Variants in PDE4D observed in about 807,000 individuals in gnomAD.
The protein encoded by PDE4D is 3',5'-cyclic-AMP phosphodiesterase 4D.
A neutral mutation model predicts 87.4 loss-of-function variants in PDE4D; 24 were observed. The ratio of observed to expected loss-of-function variants is 0.27; its 90% CI spans 0.20 to 0.39. The LOEUF (loss-of-function observed/expected upper bound fraction) is 0.39. Among genes scored for constraint, PDE4D ranks in the 10% least tolerant of loss-of-function variants. The probability of loss-of-function intolerance (pLI) is 1.00; values close to 1 mark genes in which losing one functional copy is unlikely to be tolerated. For missense variants in PDE4D, 714 were observed against 1,041.0 expected (o/e 0.69, Z 4.32); for synonymous variants, 384 against 383.2 (o/e 1.00, Z -0.02).
intron 1 of PDE4D, among the ~76,000 whole-genome samples, chr5:59,397,002 G>C (rs1268055146): frequency 8.0e-6 from 1 of 124,360 alleles, no homozygotes; most frequent in Non-Finnish European, 1.7e-5. Flanking sequence ...TTACATAATG[G>C]TAAAGGGATC....
chr5:60,155,680 A>G lies in PDE4D; in HGVS notation c.42+29877T>C, dbSNP rs1234023413. On this transcript the variant is annotated intron_variant, in intron 2 of 16. Transcript: ENST00000502484. ...ATAAACCTTGACTTAATAAATAAAT[A>G]AATTATACGATGCTAGTTTATAACT... is the stretch of plus-strand genomic sequence containing the variant. 3.9e-5 allele frequency among the ~76,000 whole-genome samples: 6 copies of G among 152,352 alleles called. 1 individual carries two copies. The highest frequency in any genetic ancestry group is 3.4e-3 in the Middle Eastern group (1 of 294).
chr5:60,029,223 A>C (rs145303236), intron 2 of PDE4D, among the ~76,000 whole-genome samples: 1 of 152,314 alleles, frequency 6.6e-6, no homozygotes, highest in African/African-American at 2.4e-5. Flanking sequence ...TGAAAGGAAA[A>C]TAAATCTTGG....
intron 1 of PDE4D, among the ~76,000 whole-genome samples, chr5:60,333,121 T>C (rs181778405): frequency 1.6e-3 from 249 of 152,294 alleles, no homozygotes; most frequent in African/African-American, 5.7e-3. Context: ...GATAACTAGA[T>C]CCACTTAACT....
chr5:60,234,042 C>T (rs1371166402), intron 1 of PDE4D, among the ~76,000 whole-genome samples: 1 of 151,776 alleles, frequency 6.6e-6, no homozygotes, highest in African/African-American at 2.4e-5. Flanking sequence ...CAAAGTTATG[C>T]AACCATCAAC....
intron 3 of PDE4D, among the ~76,000 whole-genome samples, chr5:59,928,088 T>C (rs1164768463): frequency 1.3e-5 from 2 of 152,144 alleles, no homozygotes; most frequent in East Asian, 1.9e-4. Flanking sequence ...ACAGCAAGTA[T>C]TGTGTTTGGC....
upstream of PDE4D, among the ~76,000 whole-genome samples, chr5:59,897,533 T>C (rs1301076175): frequency 1.3e-5 from 2 of 152,076 alleles, no homozygotes; most frequent in Non-Finnish European, 2.9e-5. Flanking sequence ...ACATGTACCA[T>C]GTTGGTTTGC....
At chr5:59,518,814 C>A (rs910261430) in intron 1 of PDE4D, among the ~76,000 whole-genome samples, 1 of 152,014 alleles carries the variant, frequency 6.6e-6, no homozygotes, top group Non-Finnish European at 1.5e-5. Context: ...TTTTTAAAAA[C>A]TGAAATAAAA....
chr5:59,340,255 T>A (rs185556757), intron 1 of PDE4D, among the ~76,000 whole-genome samples: 1 of 152,202 alleles, frequency 6.6e-6, no homozygotes, highest in Non-Finnish European at 1.5e-5. Context: ...TTTTGCGTAG[T>A]GTCTACTGTC....
chr5:59,995,172 G>A (rs745809817), intron 2 of PDE4D, among the ~76,000 whole-genome samples: 10 of 152,002 alleles, frequency 6.6e-5, no homozygotes, highest in Non-Finnish European at 1.0e-4. Flanking sequence ...CCATAAATTG[G>A]ACATTTATTT....
At chr5:59,598,415 C>T (rs1289748721) in intron 1 of PDE4D, among the ~76,000 whole-genome samples, 2 of 152,136 alleles carry the variant, frequency 1.3e-5, no homozygotes, top group Non-Finnish European at 2.9e-5. Flanking sequence ...TTGTCAGAAT[C>T]CTCAGCACGT....
At chr5:60,317,783 T>C (rs928016240) in intron 1 of PDE4D, among the ~76,000 whole-genome samples, 1 of 152,246 alleles carries the variant, frequency 6.6e-6, no homozygotes, top group African/African-American at 2.4e-5. Context: ...TCAGTTTCCA[T>C]GTAGTTGTGC....
chr5:59,036,311 CTG>C (rs1402665101), intron 6 of PDE4D, among the ~76,000 whole-genome samples: 3 of 152,102 alleles, frequency 2.0e-5, no homozygotes, highest in Non-Finnish European at 1.5e-5. Context: ...ACACAGAAAA[CTG>C]TCATAATTTT....
chr5:60,041,346 A>G (rs990825702), intron 2 of PDE4D, among the ~76,000 whole-genome samples: 6 of 152,188 alleles, frequency 3.9e-5, no homozygotes, highest in African/African-American at 1.4e-4. Flanking sequence ...TCATGTTTCA[A>G]TCACCCTCTG....
intron 1 of PDE4D, among the ~76,000 whole-genome samples, chr5:59,254,470 T>C (rs1392059909): frequency 6.6e-6 from 1 of 151,940 alleles, no homozygotes; most frequent in Non-Finnish European, 1.5e-5. Flanking sequence ...CTAAAAATGA[T>C]GTCAAGCAGA....
At chr5:59,443,218 C>T (rs1335985307) in intron 1 of PDE4D, among the ~76,000 whole-genome samples, 1 of 152,086 alleles carries the variant, frequency 6.6e-6, no homozygotes, top group Non-Finnish European at 1.5e-5. Context: ...TCAGTTTACA[C>T]AACGACTCTT....
intron 1 of PDE4D, among the ~76,000 whole-genome samples, chr5:59,299,411 G>C (rs1191664941): frequency 6.6e-6 from 1 of 152,112 alleles, no homozygotes; most frequent in Non-Finnish European, 1.5e-5. Flanking sequence ...TATTTTTTCA[G>C]AGATCCTTCC....
intron 5 of PDE4D, among the ~76,000 whole-genome samples, chr5:59,137,865 G>T (rs1460955656): frequency 6.6e-6 from 1 of 152,188 alleles, no homozygotes; most frequent in African/African-American, 2.4e-5. Flanking sequence ...CGCCAACCCT[G>T]AGGGAATATG....
intron 1 of PDE4D, among the ~76,000 whole-genome samples, chr5:60,341,498 C>T (rs1485139380): frequency 6.6e-6 from 1 of 152,196 alleles, no homozygotes; most frequent in African/African-American, 2.4e-5. Flanking sequence ...TAAGGAAGAG[C>T]TATGGTCACC....
intron 1 of PDE4D, among the ~76,000 whole-genome samples, chr5:60,511,010 C>T (rs1395607800): frequency 6.6e-6 from 1 of 152,110 alleles, no homozygotes; most frequent in Non-Finnish European, 1.5e-5. Context: ...TGCACTGTCG[C>T]CCAGGCTGGA....
Sources: gnomAD v4.1 joint callset for allele counts (sites outside exome capture counted in the v4.1 genomes callset) on GRCh38, gnomAD v4.1.1 for gene constraint, MANE v1.5 for transcripts, NCBI Gene and HGNC (gene_info 2026-07-23, HGNC 2026-07-21) for gene names.